Variants in FAM78B observed in about 807,000 individuals in gnomAD.
The protein encoded by FAM78B is protein FAM78B.
A neutral mutation model predicts 20.0 loss-of-function variants in FAM78B; 10 were observed. That is an observed-to-expected ratio of 0.50 (90% confidence interval 0.31 to 0.85). The LOEUF (loss-of-function observed/expected upper bound fraction) is 0.85, where lower values mean the gene tolerates loss of function less well. Among genes scored for constraint, FAM78B ranks in the 40% least tolerant of loss-of-function variants. The pLI, the probability that FAM78B is intolerant of heterozygous loss-of-function variation, is 0.05. For synonymous variants in FAM78B, 135 were observed against 132.8 expected (o/e 1.02, Z -0.12); for missense variants, 283 against 345.0 (o/e 0.82, Z 1.42).
intron 1 of FAM78B, among the ~76,000 whole-genome samples, chr1:166,103,955 T>C (rs1653654803): frequency 6.6e-6 from 1 of 152,188 alleles, no homozygotes; most frequent in Admixed American, 6.5e-5. Context: ...AAATCCTCAA[T>C]AAAATACTGG....
At chr1:166,118,028 A>G (rs1405934361) in intron 1 of FAM78B, among the ~76,000 whole-genome samples, 1 of 152,164 alleles carries the variant, frequency 6.6e-6, no homozygotes, top group Non-Finnish European at 1.5e-5. Context: ...GGTCCTTTGA[A>G]GCAAACCTCA....
At chr1:166,099,645 A>T (rs10800187) in intron 1 of FAM78B, among the ~76,000 whole-genome samples, 29,702 of 152,176 alleles carry the variant, frequency 0.2, 3,308 homozygotes, top group East Asian at 0.38. Flanking sequence ...AGACAAAACA[A>T]ACTTTAAAGC....
At chr1:166,112,727 G>T (rs1423413028) in intron 1 of FAM78B, among the ~76,000 whole-genome samples, 1 of 152,136 alleles carries the variant, frequency 6.6e-6, no homozygotes, top group South Asian at 2.1e-4. Flanking sequence ...GCAAGGCTAT[G>T]GTCCACCTAG....
chr1:166,125,334 C>T (rs1248027822), intron 1 of FAM78B, among the ~76,000 whole-genome samples: 1 of 152,142 alleles, frequency 6.6e-6, no homozygotes, highest in African/African-American at 2.4e-5. Context: ...AATAACCTGC[C>T]TCAATGGGCC....
In FAM78B at chr1:166,070,055, A is replaced by AT. The variant is rs796261404; in HGVS notation, c.*185dup. 21 of 1,265,934 alleles carry AT rather than the reference A, an allele frequency of 1.7e-5. No homozygotes were observed. The highest frequency in any genetic ancestry group is 6.1e-5 in the African/African-American group (4 of 65,898). The allele number at this position is 1,265,934 out of a possible 1,614,324, so 78.4% of individuals were successfully genotyped here. On this transcript the variant is annotated 3_prime_UTR_variant, in exon 2 of 2. Transcript: ENST00000354422. ...ATTTCTTTATTCCTAAGAGGAAGGG[A>AT]TTTTTCCTAAGGATTATGGTTCTAC...
chr1:166,141,401 T>C (rs2101789083), intron 1 of FAM78B, among the ~76,000 whole-genome samples: 1 of 152,340 alleles, frequency 6.6e-6, no homozygotes, highest in Admixed American at 6.5e-5. Flanking sequence ...AACATCTTTA[T>C]CATAGAGATC....
chr1:166,078,795 T>C (rs150762721), intron 1 of FAM78B, among the ~76,000 whole-genome samples: 2 of 152,110 alleles, frequency 1.3e-5, no homozygotes, highest in Non-Finnish European at 1.5e-5. Context: ...GCGGTGTGGG[T>C]TGGGAGTCAG....
At chr1:166,097,423 C>T (rs1372512099) in intron 1 of FAM78B, among the ~76,000 whole-genome samples, 1 of 152,192 alleles carries the variant, frequency 6.6e-6, no homozygotes, top group Non-Finnish European at 1.5e-5. Flanking sequence ...AAGAACCAAG[C>T]CCCTTTTCTT....
chr1:166,159,411 A>G (rs1656055048), intron 1 of FAM78B, among the ~76,000 whole-genome samples: 1 of 152,214 alleles, frequency 6.6e-6, no homozygotes, highest in Non-Finnish European at 1.5e-5. Context: ...CAGGGGGATC[A>G]GATGAGAGGG....
At chr1:166,083,714 G>C (rs1163604646) in intron 1 of FAM78B, among the ~76,000 whole-genome samples, 1 of 151,408 alleles carries the variant, frequency 6.6e-6, no homozygotes, top group Non-Finnish European at 1.5e-5. Context: ...ATGTTGATCA[G>C]GATGGTCTCG....
chr1:166,108,564 T>C (rs568539812), intron 1 of FAM78B, among the ~76,000 whole-genome samples: 2 of 152,154 alleles, frequency 1.3e-5, no homozygotes, highest in Non-Finnish European at 2.9e-5. Flanking sequence ...CGAATCAATA[T>C]TGTGAAAATG....
At chr1:166,059,504 T>A (rs578076948) in exon 3 of FAM78B, 6 of 152,316 alleles carry the variant, frequency 3.9e-5, no homozygotes, top group Non-Finnish European at 8.8e-5. Flanking sequence ...GGACCAGGCA[T>A]GGATATTTTT....
downstream of FAM78B, among the ~76,000 whole-genome samples, chr1:166,065,758 G>T (rs192027667): frequency 5.0e-4 from 76 of 152,202 alleles, no homozygotes; most frequent in African/African-American, 1.8e-3. Flanking sequence ...GATCTCAAAA[G>T]AAATTAATGG....
chr1:166,058,968 T>A (rs1349810044), exon 3 of FAM78B: 1 of 152,594 alleles, frequency 6.6e-6, no homozygotes, highest in African/African-American at 2.4e-5. Flanking sequence ...TAACAGTAGA[T>A]CCTCATTCAA....
intron 1 of FAM78B, among the ~76,000 whole-genome samples, chr1:166,157,150 G>C (rs1212955467): frequency 3.3e-5 from 5 of 151,738 alleles, no homozygotes; most frequent in Non-Finnish European, 7.4e-5. Context: ...GGTTTGTAGG[G>C]GAGGTTTGTA....
chr1:166,155,956 T>C (rs905360755), intron 1 of FAM78B, among the ~76,000 whole-genome samples: 2 of 152,224 alleles, frequency 1.3e-5, no homozygotes, highest in Non-Finnish European at 2.9e-5. Flanking sequence ...TGCCAAAGCC[T>C]GTACCTGCCG....
exon 3 of FAM78B, chr1:166,058,165 A>C (rs1332511056): frequency 6.6e-6 from 1 of 152,158 alleles, no homozygotes; most frequent in Non-Finnish European, 1.5e-5. Flanking sequence ...TCTGGGCCTG[A>C]AATTCCCACC....
At chr1:166,073,803 G>C (rs1652151808) in intron 1 of FAM78B, among the ~76,000 whole-genome samples, 1 of 152,072 alleles carries the variant, frequency 6.6e-6, no homozygotes, top group African/African-American at 2.4e-5. Context: ...TGCAAGGGGT[G>C]GCCCACTGCT....
intron 1 of FAM78B, among the ~76,000 whole-genome samples, chr1:166,105,152 A>G (rs1331431706): frequency 1.3e-5 from 2 of 152,196 alleles, no homozygotes; most frequent in Non-Finnish European, 2.9e-5. Flanking sequence ...GGCTAGCCAT[A>G]TGTAGAAAGC....
Sources: gnomAD v4.1 joint callset for allele counts (sites outside exome capture counted in the v4.1 genomes callset) on GRCh38, gnomAD v4.1.1 for gene constraint, MANE v1.5 for transcripts, NCBI Gene and HGNC (gene_info 2026-07-23, HGNC 2026-07-21) for gene names.